PGAP1: variants seen among roughly 807,000 people sequenced by gnomAD.
PGAP1 encodes GPI inositol-deacylase.
Under a neutral mutation model 127.0 loss-of-function variants are expected in PGAP1, and 76 were observed. That is an observed-to-expected ratio of 0.60 (90% CI 0.50 to 0.72). The LOEUF is 0.72. Ranked by LOEUF, PGAP1 falls within the 30% of genes least tolerant of loss-of-function variation. The pLI is 0.00. For missense variants in PGAP1, 982 were observed against 1,071.3 expected (o/e 0.92, Z 1.16); for synonymous variants, 362 against 366.5 (o/e 0.99, Z 0.14).
rs190330043 is a variant in PGAP1, at chr2:196,902,102, C to T, written c.807+483G>A. 1.3e-3 allele frequency among the ~76,000 whole-genome samples: 197 copies of T among 152,306 alleles called. 1 individual carries two copies. The highest frequency in any genetic ancestry group is 6.9e-4 in the Non-Finnish European group (47 of 68,034). ...TGATAAAATCACAGCTCACTATAAC[C>T]TCGAACTCCTGGACTCAAGTGATTC... is the stretch of plus-strand genomic sequence containing the variant. On this transcript the variant is annotated intron_variant, in intron 5 of 26. Coordinates refer to ENST00000354764, the MANE Select transcript of PGAP1 (RefSeq NM_024989.4).
intron 23 of PGAP1, among the ~76,000 whole-genome samples, chr2:196,845,250 T>A (rs777708214): frequency 1.3e-5 from 2 of 151,900 alleles, no homozygotes; most frequent in African/African-American, 4.8e-5. Context: ...ATTTACACTT[T>A]TAAAAATTTC....
intron 10 of PGAP1, among the ~76,000 whole-genome samples, chr2:196,886,217 G>C (rs1289273227): frequency 7.0e-6 from 1 of 143,026 alleles, no homozygotes; most frequent in South Asian, 2.2e-4. Context: ...CTGGAGTACA[G>C]TGGCACGACC....
intron 13 of PGAP1, among the ~76,000 whole-genome samples, chr2:196,879,627 G>T (rs1701669948): frequency 6.6e-6 from 1 of 152,110 alleles, no homozygotes; most frequent in Non-Finnish European, 1.5e-5. Context: ...CCCAGGAGGT[G>T]GAGGTTGTAG....
At chr2:196,850,566 G>A (rs1057250977) in intron 20 of PGAP1, among the ~76,000 whole-genome samples, 7 of 152,114 alleles carry the variant, frequency 4.6e-5, no homozygotes, top group Admixed American at 2.0e-4. Flanking sequence ...AGAGAGGGAC[G>A]ATAAATTTAA....
At chr2:196,916,358 C>T in intron 3 of PGAP1, 60 bp downstream of exon 3, 2 of 1,397,322 alleles carry the variant, frequency 1.4e-6, no homozygotes, top group South Asian at 1.7e-5. Flanking sequence ...ATACTGAATC[C>T]CTTTTTTAAA....
chr2:196,844,069 T>C lies in PGAP1; in HGVS notation c.2344A>G (p.Lys782Glu), dbSNP rs1700491522. 1 of 1,553,840 alleles carries C rather than the reference T, an allele frequency of 6.4e-7. No homozygotes were observed. Among genetic ancestry groups the C allele is most frequent in the Non-Finnish European group, 8.8e-7 (1 of 1,141,996 alleles). The change falls in exon 25 of 27, where the codon AAA (lysine) becomes GAA (glutamate). Residue 782 changes from lysine to glutamate, a missense_variant. Transcript: ENST00000354764. ...TFKNSQPVNP[K>E]HSRRSEKKSN... Reference sequence around the variant, plus strand: ...TTCTTTTCACTTCTTCTAGAGTGTTTGGGATTCTATAAAACAATAAAGTAG... The same window carrying C: ...TTCTTTTCACTTCTTCTAGAGTGTTCGGGATTCTATAAAACAATAAAGTAG...
intron 4 of PGAP1, among the ~76,000 whole-genome samples, chr2:196,911,629 A>G (rs1702821515): frequency 6.7e-6 from 1 of 149,776 alleles, no homozygotes; most frequent in African/African-American, 2.4e-5. Flanking sequence ...AAAAAAAAAA[A>G]AAAAAAATTA....
intron 6 of PGAP1, 138 bp from the exon 7 acceptor site, chr2:196,897,335 A>C: frequency 2.1e-6 from 1 of 483,020 alleles, no homozygotes. Flanking sequence ...GTAACAAATC[A>C]TTCTTATTAA....
intron 10 of PGAP1, among the ~76,000 whole-genome samples, chr2:196,888,653 TA>T (rs954379810): frequency 2.6e-5 from 4 of 152,094 alleles, no homozygotes; most frequent in African/African-American, 7.2e-5. Flanking sequence ...CTATTTATTA[TA>T]AAAGAGACAT....
intron 20 of PGAP1, among the ~76,000 whole-genome samples, chr2:196,855,050 C>T (rs928079502): frequency 6.6e-6 from 1 of 151,058 alleles, no homozygotes; most frequent in Non-Finnish European, 1.5e-5. Context: ...CAGCAGGGCA[C>T]GGTGGCTCAC....
At chr2:196,858,413 AT>A (rs1373041666) in intron 20 of PGAP1, among the ~76,000 whole-genome samples, 1 of 152,040 alleles carries the variant, frequency 6.6e-6, no homozygotes, top group African/African-American at 2.4e-5. Context: ...AAAAAAAAAA[AT>A]TGACTCCTAA....
intron 3 of PGAP1, 122 bp downstream of exon 3, chr2:196,916,296 T>A: frequency 1.2e-6 from 1 of 850,030 alleles, no homozygotes; most frequent in Non-Finnish European, 1.6e-6. Context: ...ACAAAAAAAA[T>A]TTGTGCCTTC....
chr2:196,885,551 G>T, intron 11 of PGAP1, 76 bp from the exon 12 acceptor site: 1 of 1,132,826 alleles, frequency 8.8e-7, no homozygotes, highest in Non-Finnish European at 1.3e-6. Flanking sequence ...AGATTCAGAG[G>T]AAAAAGAAAC....
rs764779601 is a variant in PGAP1, at chr2:196,875,762, A to T, written c.1410T>A (p.Thr470=). 6.5e-7 allele frequency: 1 copy of T among 1,540,428 alleles called. No individual in the cohort carries two copies. The highest frequency in any genetic ancestry group is 1.7e-5 in the Admixed American group (1 of 58,182). The change falls in exon 14 of 27, where the codon ACT becomes ACA. Residue 470 remains threonine, a synonymous_variant. Transcript: ENST00000354764. ...KEKRYIQLPV[T]HLFSFGLSSR... is the part of the protein sequence containing the mutation. Reference sequence around the variant, plus strand: ...AGTACTTACCAAAGGAAAAAAGATGAGTTACAGGAAGCTGTATGTATCTTT... The same window carrying T: ...AGTACTTACCAAAGGAAAAAAGATGTGTTACAGGAAGCTGTATGTATCTTT...
At chr2:196,862,743 T>C (rs781464068) in intron 20 of PGAP1, among the ~76,000 whole-genome samples, 5 of 152,156 alleles carry the variant, frequency 3.3e-5, no homozygotes, top group Non-Finnish European at 7.4e-5. Flanking sequence ...GGTTCCCTGA[T>C]ACCTGTCTCT....
intron 19 of PGAP1, among the ~76,000 whole-genome samples, chr2:196,866,063 AT>A (rs750914843): frequency 1.3e-5 from 2 of 152,206 alleles, no homozygotes; most frequent in Non-Finnish European, 2.9e-5. Flanking sequence ...TAATTTATAG[AT>A]TCAATGTTAT....
At chr2:196,872,198 AG>A (rs1701428297) in intron 18 of PGAP1, among the ~76,000 whole-genome samples, 1 of 152,188 alleles carries the variant, frequency 6.6e-6, no homozygotes, top group African/African-American at 2.4e-5. Context: ...GTTAATCTAC[AG>A]TCTCATTTTT....
intron 19 of PGAP1, among the ~76,000 whole-genome samples, chr2:196,865,618 C>T (rs1054447667): frequency 6.6e-6 from 1 of 152,080 alleles, no homozygotes; most frequent in Non-Finnish European, 1.5e-5. Flanking sequence ...GTAAGGCATT[C>T]AGAATATTAA....
At chr2:196,918,289 T>G (rs1415646070) in intron 2 of PGAP1, among the ~76,000 whole-genome samples, 1 of 152,096 alleles carries the variant, frequency 6.6e-6, no homozygotes, top group Non-Finnish European at 1.5e-5. Context: ...GCACAATCAG[T>G]AAAGATTAAA....
Sources: gnomAD v4.1 joint callset for allele counts (sites outside exome capture counted in the v4.1 genomes callset) on GRCh38, gnomAD v4.1.1 for gene constraint, MANE v1.5 for transcripts, NCBI Gene and HGNC (gene_info 2026-07-23, HGNC 2026-07-21) for gene names.